VWA8: variants seen among roughly 807,000 people sequenced by gnomAD.
VWA8 encodes the protein von Willebrand factor A domain containing 8, also known as von Willebrand factor A domain-containing protein 8.
A neutral mutation model predicts 241.5 loss-of-function variants in VWA8; 221 were observed. The observed-to-expected ratio is 0.91, with a 90% CI of 0.82 to 1.02. The LOEUF (loss-of-function observed/expected upper bound fraction) is 1.02. VWA8 is among the 50% of genes least tolerant of loss of function. The pLI, the probability that VWA8 is intolerant of heterozygous loss-of-function variation, is 0.00. For missense variants in VWA8, 2,322 were observed against 2,328.7 expected (o/e 1.00, Z 0.06); for synonymous variants, 852 against 827.1 (o/e 1.03, Z -0.52).
chr13:41,939,881 C>A (rs9525556), intron 2 of VWA8, among the ~76,000 whole-genome samples: 52,483 of 151,970 alleles, frequency 0.35, 9,299 homozygotes, highest in East Asian at 0.43. Flanking sequence ...AGTGATTCTC[C>A]GTGCTCTAAA....
At chr13:41,703,990 C>T (rs2045267132) in intron 26 of VWA8, among the ~76,000 whole-genome samples, 1 of 151,998 alleles carries the variant, frequency 6.6e-6, no homozygotes, top group Non-Finnish European at 1.5e-5. Flanking sequence ...TTGGTCTCGA[C>T]CTCAGGTGAT....
intron 2 of VWA8, among the ~76,000 whole-genome samples, chr13:41,937,915 C>T (rs1376226179): frequency 1.3e-5 from 2 of 152,168 alleles, no homozygotes; most frequent in Admixed American, 1.3e-4. Flanking sequence ...AATCCCAGCA[C>T]TTTGGGACAA....
chr13:41,593,724 C>T (rs1187725881), intron 40 of VWA8, among the ~76,000 whole-genome samples: 4 of 152,190 alleles, frequency 2.6e-5, no homozygotes, highest in Admixed American at 6.5e-5. Flanking sequence ...AGGTACCAAG[C>T]TGCAGAGCAC....
chr13:41,863,653 G>A (rs756991233), intron 12 of VWA8, among the ~76,000 whole-genome samples: 4 of 151,600 alleles, frequency 2.6e-5, no homozygotes, highest in Non-Finnish European at 4.4e-5. Flanking sequence ...TAAAAAGGAA[G>A]AAAATCATGT....
At chr13:41,874,916 T>C (rs1873824605) in intron 9 of VWA8, among the ~76,000 whole-genome samples, 1 of 152,028 alleles carries the variant, frequency 6.6e-6, no homozygotes, top group Non-Finnish European at 1.5e-5. Flanking sequence ...CAAGAGGCAA[T>C]CTAGCTGCCT....
At chr13:41,701,748 A>G (rs751587624) in intron 27 of VWA8, among the ~76,000 whole-genome samples, 1 of 152,046 alleles carries the variant, frequency 6.6e-6, no homozygotes, top group Non-Finnish European at 1.5e-5. Context: ...TTAATTTCTC[A>G]TTTTTTCTTT....
chr13:41,594,642 G>GA (rs1490576670), intron 40 of VWA8, among the ~76,000 whole-genome samples: 2 of 152,176 alleles, frequency 1.3e-5, no homozygotes, highest in Non-Finnish European at 2.9e-5. Flanking sequence ...GCTGTAGCTG[G>GA]AGGACACACA....
chr13:41,708,239 T>C (rs915068883), intron 26 of VWA8, among the ~76,000 whole-genome samples: 1 of 152,006 alleles, frequency 6.6e-6, no homozygotes, highest in Non-Finnish European at 1.5e-5. Context: ...CGCATGCCTG[T>C]AATCTCAGCT....
In VWA8 at chr13:41,692,992, T is replaced by C. The variant is rs961267009; in HGVS notation, c.3565-20A>G. Reference sequence around the variant, plus strand: ...ATTACTCTGCAAATGATAAAAACAGTGAAAAGCTCAAGATTTGTTCTTTTT... The same window carrying C: ...ATTACTCTGCAAATGATAAAAACAGCGAAAAGCTCAAGATTTGTTCTTTTT... On this transcript the variant is annotated intron_variant, in intron 29 of 44. Transcript: ENST00000379310. The C allele has an allele frequency of 2.0e-6, 3 of 1,514,280 alleles. No homozygotes were observed. The highest frequency in any genetic ancestry group is 2.7e-6 in the Non-Finnish European group (3 of 1,111,524). 93.8% of individuals were successfully genotyped at this position (1,514,280 alleles called of 1,614,324 possible).
At chr13:41,857,823 T>C (rs1444206172) in intron 12 of VWA8, among the ~76,000 whole-genome samples, 1 of 152,208 alleles carries the variant, frequency 6.6e-6, no homozygotes, top group Non-Finnish European at 1.5e-5. Flanking sequence ...AATAGTATTC[T>C]AGGGGTGTTT....
intron 37 of VWA8, among the ~76,000 whole-genome samples, chr13:41,617,310 G>A (rs1405387973): frequency 6.6e-6 from 1 of 151,920 alleles, no homozygotes; most frequent in Non-Finnish European, 1.5e-5. Flanking sequence ...GTAGAAACAG[G>A]GTTTCACCAT....
chr13:41,872,914 C>T (rs1479888457), intron 9 of VWA8, among the ~76,000 whole-genome samples: 1 of 152,028 alleles, frequency 6.6e-6, no homozygotes, highest in Non-Finnish European at 1.5e-5. Context: ...GCCATTTTCA[C>T]AATATTGATT....
chr13:41,950,667 C>T (rs990202237), intron 1 of VWA8, among the ~76,000 whole-genome samples: 5 of 119,522 alleles, frequency 4.2e-5, no homozygotes, highest in Non-Finnish European at 5.1e-5. Flanking sequence ...CACACTCAGC[C>T]TTTTTTTTTT....
chr13:41,699,012 A>T (rs1340420308), intron 29 of VWA8, 59 bp downstream of exon 29: 2 of 1,604,938 alleles, frequency 1.2e-6, no homozygotes, highest in Admixed American at 3.3e-5. Flanking sequence ...TAGGTTTCTA[A>T]TCACTCTTGC....
chr13:41,800,728 G>C (rs558790537), intron 17 of VWA8, among the ~76,000 whole-genome samples: 1 of 150,388 alleles, frequency 6.6e-6, no homozygotes, highest in East Asian at 2.0e-4. Flanking sequence ...GGGAGGCAGA[G>C]CTTGTAGTGA....
intron 26 of VWA8, among the ~76,000 whole-genome samples, chr13:41,708,315 C>T (rs1172674867): frequency 1.8e-4 from 28 of 151,802 alleles, no homozygotes; most frequent in Admixed American, 1.6e-3. Flanking sequence ...GAGCCAAGAT[C>T]GCGCCACTGC....
intron 29 of VWA8, among the ~76,000 whole-genome samples, chr13:41,697,383 G>T (rs965153330): frequency 5.9e-5 from 9 of 152,100 alleles, no homozygotes; most frequent in African/African-American, 2.2e-4. Context: ...ACCTCCTAAT[G>T]TCTTCCCCTT....
At chr13:41,837,962 G>A (rs1158587780) in intron 12 of VWA8, among the ~76,000 whole-genome samples, 1 of 152,066 alleles carries the variant, frequency 6.6e-6, no homozygotes, top group Non-Finnish European at 1.5e-5. Context: ...GTCTACCACT[G>A]TCTAACCTTG....
intron 26 of VWA8, among the ~76,000 whole-genome samples, chr13:41,704,040 A>T (rs983683462): frequency 1.3e-5 from 2 of 152,134 alleles, no homozygotes; most frequent in Admixed American, 6.5e-5. Flanking sequence ...GATTACAGGC[A>T]TGAGCCACCG....
Sources: gnomAD v4.1 joint callset for allele counts (sites outside exome capture counted in the v4.1 genomes callset) on GRCh38, gnomAD v4.1.1 for gene constraint, MANE v1.5 for transcripts, NCBI Gene and HGNC (gene_info 2026-07-23, HGNC 2026-07-21) for gene names.